Variants in GNB1 observed in about 807,000 individuals in gnomAD.
The protein encoded by GNB1 is guanine nucleotide-binding protein G(I)/G(S)/G(T) subunit beta-1.
A neutral mutation model predicts 42.9 loss-of-function variants in GNB1; 2 were observed. The ratio of observed to expected loss-of-function variants is 0.05; its 90% CI spans 0.02 to 0.15. GNB1 has a LOEUF of 0.15. GNB1 is among the 10% of genes least tolerant of loss of function. The pLI is 1.00. For synonymous variants in GNB1, 183 were observed against 174.7 expected, an observed-to-expected ratio of 1.05 and a Z score of -0.38; for missense variants, 193 against 462.2, an observed-to-expected ratio of 0.42 and a Z score of 5.34.
At chr1:1,872,571 G>A (rs936365773) in intron 1 of GNB1, among the ~76,000 whole-genome samples, 3 of 152,224 alleles carry the variant, frequency 2.0e-5, no homozygotes, top group Non-Finnish European at 4.4e-5. Context: ...GACCTCTGCT[G>A]AGCTTCGCCT....
chr1:1,842,877 A>C (rs1157823165), intron 1 of GNB1, among the ~76,000 whole-genome samples: 2 of 152,268 alleles, frequency 1.3e-5, no homozygotes, highest in Non-Finnish European at 2.9e-5. Flanking sequence ...TCAGGAAGCG[A>C]AGCCTCGCTC....
At chr1:1,793,342 G>A (rs374613056) in intron 7 of GNB1, 31 bp from the exon 8 acceptor site, 4 of 1,511,098 alleles carry the variant, frequency 2.6e-6, no homozygotes, top group Non-Finnish European at 3.7e-6. Context: ...GTGATGAGCT[G>A]AATCCAGCAG....
At chr1:1,802,881 TA>T (rs755655960) in intron 7 of GNB1, among the ~76,000 whole-genome samples, 1 of 152,134 alleles carries the variant, frequency 6.6e-6, no homozygotes, top group Non-Finnish European at 1.5e-5. Context: ...ACCAGTGGCC[TA>T]CAGATCTACT....
chr1:1,878,089 C>T lies in GNB1; in HGVS notation c.-96+12731G>A, dbSNP rs769966421. Reference sequence around the variant, plus strand: ...TCACCACGGCCAACTGTCTAATCTCCCTGTAGATCCAGTCATCTGTAAGAT... The same window carrying T: ...TCACCACGGCCAACTGTCTAATCTCTCTGTAGATCCAGTCATCTGTAAGAT... On this transcript the variant is annotated intron_variant, in intron 1 of 11. Transcript: ENST00000378609. Among the ~76,000 whole-genome samples, 101 of 152,180 alleles carry T rather than the reference C, an allele frequency of 6.6e-4. 1 individual carries two copies. Among genetic ancestry groups the T allele is most frequent in the Non-Finnish European group, 1.2e-4 (8 of 68,044 alleles).
At chr1:1,860,725 G>A (rs374249968) in intron 1 of GNB1, among the ~76,000 whole-genome samples, 143 of 150,972 alleles carry the variant, frequency 9.5e-4, no homozygotes, top group East Asian at 2.7e-3. Flanking sequence ...AAAAAAAGAG[G>A]GAGGAAGAGT....
At chr1:1,800,496 A>G (rs1203569588) in intron 7 of GNB1, among the ~76,000 whole-genome samples, 1 of 152,198 alleles carries the variant, frequency 6.6e-6, no homozygotes, top group African/African-American at 2.4e-5. Context: ...ACAAAAAGGA[A>G]CAAATCTGAA....
At chr1:1,811,891 C>G (rs186572183) in intron 5 of GNB1, among the ~76,000 whole-genome samples, 1 of 151,616 alleles carries the variant, frequency 6.6e-6, no homozygotes, top group Non-Finnish European at 1.5e-5. Context: ...TGGTGAAACC[C>G]TGTCTCTACT....
intron 10 of GNB1, 38 bp downstream of exon 10, chr1:1,789,015 A>G: frequency 7.1e-7 from 1 of 1,400,336 alleles, no homozygotes; most frequent in Non-Finnish European, 1.0e-6. Flanking sequence ...TACCACGTAA[A>G]TGTCCACAAG....
chr1:1,810,314 C>T (rs1048958822), intron 5 of GNB1, among the ~76,000 whole-genome samples: 1 of 151,876 alleles, frequency 6.6e-6, no homozygotes, highest in Non-Finnish European at 1.5e-5. Flanking sequence ...ATCCGCCCAC[C>T]TCAGCCTCCC....
At chr1:1,881,179 G>A (rs1254225598) in intron 1 of GNB1, among the ~76,000 whole-genome samples, 1 of 152,130 alleles carries the variant, frequency 6.6e-6, no homozygotes, top group Non-Finnish European at 1.5e-5. Context: ...CCAGAGGGCA[G>A]ACGGAAACCT....
intron 1 of GNB1, among the ~76,000 whole-genome samples, chr1:1,847,256 C>A (rs1293706158): frequency 6.6e-6 from 1 of 152,156 alleles, no homozygotes; most frequent in Admixed American, 6.5e-5. Flanking sequence ...GAGATAAACA[C>A]CAGTTGCCAG....
chr1:1,828,423 T>G (rs1225141374), intron 2 of GNB1, among the ~76,000 whole-genome samples: 2 of 152,190 alleles, frequency 1.3e-5, no homozygotes, highest in African/African-American at 4.8e-5. Flanking sequence ...TCTTACATAC[T>G]GCTTTTAATT....
At chr1:1,836,426 C>G (rs1647151333) in intron 2 of GNB1, among the ~76,000 whole-genome samples, 1 of 127,408 alleles carries the variant, frequency 7.8e-6, no homozygotes, top group African/African-American at 3.0e-5. Flanking sequence ...GGGTCTCGCT[C>G]TGTTGTCCAG....
At chr1:1,843,768 C>G (rs1189142310) in intron 1 of GNB1, among the ~76,000 whole-genome samples, 1 of 152,150 alleles carries the variant, frequency 6.6e-6, no homozygotes, top group African/African-American at 2.4e-5. Flanking sequence ...AAACCAGTAG[C>G]ACTACCCTTA....
chr1:1,888,397 G>A (rs943197880), intron 1 of GNB1, among the ~76,000 whole-genome samples: 1 of 151,292 alleles, frequency 6.6e-6, no homozygotes, highest in African/African-American at 2.4e-5. Context: ...GGCGGGGGGA[G>A]CACTTTCAGT....
intron 8 of GNB1, among the ~76,000 whole-genome samples, chr1:1,791,380 G>C (rs548812343): frequency 4.3e-4 from 66 of 152,154 alleles, no homozygotes; most frequent in Non-Finnish European, 8.4e-4. Flanking sequence ...TCTCCATATT[G>C]GTCAGACTGG....
At chr1:1,865,647 G>A (rs1648893449) in intron 1 of GNB1, among the ~76,000 whole-genome samples, 1 of 152,180 alleles carries the variant, frequency 6.6e-6, no homozygotes, top group African/African-American at 2.4e-5. Flanking sequence ...AAAATATCCA[G>A]TGACAGGATA....
At chr1:1,807,462 TGAAAAAA>T (rs1404068291) in intron 5 of GNB1, among the ~76,000 whole-genome samples, 3 of 24,626 alleles carry the variant, frequency 1.2e-4, no homozygotes, top group African/African-American at 2.8e-4. Flanking sequence ...AGATCCTGAC[TGAAAAAA>T]AAAAAAAAAA....
chr1:1,825,241 T>C (rs1646981100), intron 3 of GNB1, 156 bp downstream of exon 3: 3 of 646,890 alleles, frequency 4.6e-6, no homozygotes, highest in South Asian at 1.9e-5. Flanking sequence ...CTAGGCTAAG[T>C]ATCTAGATCT....
Sources: allele counts gnomAD v4.1 joint callset (sites outside exome capture counted in the v4.1 genomes callset), GRCh38; gene constraint gnomAD v4.1.1; transcripts MANE v1.5; gene names NCBI Gene and HGNC (gene_info 2026-07-23, HGNC 2026-07-21).